Variants in PDE3B observed in about 807,000 individuals in gnomAD.
The protein encoded by PDE3B is phosphodiesterase 3B.
PDE3B carries 66 observed loss-of-function variants against 116.8 expected under a neutral mutation model. That is an observed-to-expected ratio of 0.56 (90% CI 0.46 to 0.69). The LOEUF (loss-of-function observed/expected upper bound fraction) is 0.69, where lower values mean the gene tolerates loss of function less well. PDE3B is among the 30% of genes least tolerant of loss of function. PDE3B has a pLI of 0.00. For synonymous variants in PDE3B, 595 were observed against 533.6 expected (o/e 1.12, Z -1.59); for missense variants, 1,384 against 1,368.1 (o/e 1.01, Z -0.18).
At chr11:14,793,877 A>C (rs1279106872) in intron 4 of PDE3B, among the ~76,000 whole-genome samples, 1 of 152,194 alleles carries the variant, frequency 6.6e-6, no homozygotes, top group African/African-American at 2.4e-5. Flanking sequence ...TATATTAGCA[A>C]ACTTGACCCT....
At position 14,663,651 on chromosome 11, in the gene PDE3B, C is replaced by A. The variant is rs1472838082; in HGVS notation, c.978+18598C>A. Among the ~76,000 whole-genome samples the A allele has an allele frequency of 3.3e-5, 5 of 152,030 alleles. No homozygotes were observed. In the East Asian group the frequency reaches 9.6e-4, roughly 29 times the overall value. On this transcript the variant is annotated intron_variant, in intron 1 of 15. Transcript: ENST00000282096. ...TCTGATAAAACAGACTTTAAACCAA[C>A]AAAGATCAAAAGAGACAAAGAAGGC... is the stretch of plus-strand genomic sequence containing the variant.
At chr11:14,693,217 T>A (rs1855097040) in intron 1 of PDE3B, among the ~76,000 whole-genome samples, 1 of 152,166 alleles carries the variant, frequency 6.6e-6, no homozygotes, top group African/African-American at 2.4e-5. Flanking sequence ...TCATGAGGTT[T>A]TAGCAACTAT....
intron 1 of PDE3B, among the ~76,000 whole-genome samples, chr11:14,727,660 A>C (rs540233297): frequency 6.6e-6 from 1 of 152,150 alleles, no homozygotes; most frequent in Non-Finnish European, 1.5e-5. Flanking sequence ...CAATAATCAA[A>C]TGTTAGGGCT....
rs138530491 is a variant in PDE3B at position 14,726,964 on chromosome 11, C to T, written c.979-44973C>T. 2.4e-3 allele frequency among the ~76,000 whole-genome samples: 359 copies of T among 152,220 alleles called. 1 individual carries two copies. The highest frequency in any genetic ancestry group is 8.1e-3 in the African/African-American group (337 of 41,556). ...ATTCCCCCAGAGTTTTCTGAATTTG[C>T]AATTCATTCATCTTGATTATCTCCC... On this transcript the variant is annotated intron_variant, in intron 1 of 15. Coordinates refer to ENST00000282096, the MANE Select transcript of PDE3B (RefSeq NM_000922.4).
intron 1 of PDE3B, among the ~76,000 whole-genome samples, chr11:14,737,012 C>A (rs1478776078): frequency 1.3e-5 from 2 of 152,010 alleles, no homozygotes; most frequent in African/African-American, 4.8e-5. Context: ...GAGTAATTTG[C>A]TTCATCTATC....
At chr11:14,895,165 G>A in the PDE3B span, among the ~76,000 whole-genome samples, 1 of 152,208 alleles carries the variant, frequency 6.6e-6, no homozygotes, top group African/African-American at 2.4e-5. Flanking sequence ...GGCCTGGGCC[G>A]TGGGAGTTGT....
intron 5 of PDE3B, among the ~76,000 whole-genome samples, chr11:14,810,229 C>T (rs898671316): frequency 4.0e-5 from 6 of 151,812 alleles, no homozygotes; most frequent in Admixed American, 3.9e-4. Context: ...AGGTTAGTTA[C>T]ATATGTATAC....
chr11:14,867,332 A>G, intron 14 of PDE3B, among the ~76,000 whole-genome samples, 174 bp from the exon 15 acceptor site: 1 of 152,240 alleles, frequency 6.6e-6, no homozygotes, highest in East Asian at 1.9e-4. Flanking sequence ...AGTTTTGTTT[A>G]GGATTTCTCA....
intron 15 of PDE3B, among the ~76,000 whole-genome samples, chr11:14,869,238 T>C (rs1310033829): frequency 6.6e-6 from 1 of 152,136 alleles, no homozygotes; most frequent in East Asian, 1.9e-4. Flanking sequence ...CTGTTTTGCT[T>C]CTTTCTGTTT....
chr11:14,861,117 GTTTTAAGATAATTTGGTAAAAGCAAAC>G, intron 13 of PDE3B, 61 bp from the exon 14 acceptor site: 4 of 995,672 alleles, frequency 4.0e-6, no homozygotes, highest in Non-Finnish European at 6.1e-6. Context: ...ACAGGAAACA[GTTTTAAGATAATTTGGTAAAAGCAAAC>G]AAAACAACAA....
chr11:14,872,408 C>G (rs1848153145), downstream of PDE3B, among the ~76,000 whole-genome samples: 1 of 152,106 alleles, frequency 6.6e-6, no homozygotes, highest in South Asian at 2.1e-4. Flanking sequence ...GAGAGAATAA[C>G]AGCATGTACA....
chr11:14,879,990 CT>C, the PDE3B span: 2 of 797,416 alleles, frequency 2.5e-6, no homozygotes, highest in Non-Finnish European at 1.9e-6. Context: ...TTTGAAAACT[CT>C]TTTTTGTAAC....
At chr11:14,724,066 G>T (rs1565108864) in intron 1 of PDE3B, among the ~76,000 whole-genome samples, 1 of 152,190 alleles carries the variant, frequency 6.6e-6, no homozygotes. Flanking sequence ...GCTATGGGGA[G>T]ACTCTTAGGA....
intron 5 of PDE3B, among the ~76,000 whole-genome samples, chr11:14,804,951 A>T (rs1858876236): frequency 6.6e-6 from 1 of 152,174 alleles, no homozygotes; most frequent in African/African-American, 2.4e-5. Flanking sequence ...TTGAAGACAG[A>T]GAAATAGAAA....
intron 1 of PDE3B, chr11:14,699,244 A>G (rs970176830): frequency 2.6e-5 from 4 of 151,826 alleles, no homozygotes; most frequent in African/African-American, 9.7e-5. Flanking sequence ...TGATGTTAAG[A>G]TATTTCCAAC....
chr11:14,884,538 G>C, the PDE3B span, among the ~76,000 whole-genome samples: 9 of 118,898 alleles, frequency 7.6e-5, no homozygotes, highest in Non-Finnish European at 1.2e-4. Flanking sequence ...GTTGTGGGGT[G>C]GGGGGAGGGG....
At chr11:14,698,662 T>C (rs769962015) in intron 1 of PDE3B, among the ~76,000 whole-genome samples, 5 of 152,024 alleles carry the variant, frequency 3.3e-5, no homozygotes, top group Admixed American at 6.6e-5. Context: ...TTTCTTCTCT[T>C]TCTATTGGCT....
At chr11:14,878,246 A>C in the PDE3B span, 1 of 1,613,246 alleles carries the variant, frequency 6.2e-7, no homozygotes, top group South Asian at 1.1e-5. Context: ...TGCTGTAAAA[A>C]ACAAGAACAT....
chr11:14,800,795 A>G (rs1858732785), intron 4 of PDE3B, among the ~76,000 whole-genome samples: 2 of 152,234 alleles, frequency 1.3e-5, no homozygotes, highest in East Asian at 1.9e-4. Context: ...AGGTACACCA[A>G]TCAAACGCAG....
Sources: gnomAD v4.1 joint callset for allele counts (sites outside exome capture counted in the v4.1 genomes callset) on GRCh38, gnomAD v4.1.1 for gene constraint, MANE v1.5 for transcripts, NCBI Gene and HGNC (gene_info 2026-07-23, HGNC 2026-07-21) for gene names.